The following MTHFD1 variants were observed in gnomAD, a reference collection of about 807,000 sequenced individuals.
The protein encoded by MTHFD1 is methylenetetrahydrofolate dehydrogenase, cyclohydrolase and formyltetrahydrofolate synthetase 1.
A neutral mutation model predicts 110.3 loss-of-function variants in MTHFD1; 44 were observed. That is an observed-to-expected ratio of 0.40 (90% CI 0.31 to 0.51). MTHFD1 has a LOEUF of 0.51. Ranked by LOEUF, MTHFD1 falls within the 20% of genes least tolerant of loss-of-function variation. The probability of loss-of-function intolerance (pLI) is 0.60; values close to 1 mark genes in which losing one functional copy is unlikely to be tolerated. For missense variants in MTHFD1, 909 were observed against 1,173.1 expected (o/e 0.77, Z 3.29); for synonymous variants, 402 against 428.8 (o/e 0.94, Z 0.77).
intron 21 of MTHFD1, among the ~76,000 whole-genome samples, chr14:64,443,114 A>C (rs1312974027): frequency 6.6e-6 from 1 of 152,222 alleles, no homozygotes; most frequent in Non-Finnish European, 1.5e-5. Flanking sequence ...AACTTAGGAA[A>C]TAAGGACTCC....
intron 1 of MTHFD1, among the ~76,000 whole-genome samples, chr14:64,397,104 CAAAAAAAAAAAAAAAAA>C (rs1189095379): frequency 0.013 from 90 of 7,130 alleles, 3 homozygotes; most frequent in Non-Finnish European, 0.018. Flanking sequence ...GACTGCGTCT[CAAAAAAAAAAAAAAAAA>C]AAAAAAAAAA....
chr14:64,446,494 C>A (rs1271958805), intron 22 of MTHFD1, among the ~76,000 whole-genome samples: 1 of 152,142 alleles, frequency 6.6e-6, no homozygotes, highest in East Asian at 1.9e-4. Flanking sequence ...GATACATTTC[C>A]TTAATTGCTT....
At chr14:64,447,179 C>CA (rs2078297011) in intron 22 of MTHFD1, among the ~76,000 whole-genome samples, 1 of 93,160 alleles carries the variant, frequency 1.1e-5, no homozygotes, top group Non-Finnish European at 2.0e-5. Flanking sequence ...TTTTTTGAGA[C>CA]AGAGTCTTGC....
chr14:64,436,126 G>A (rs1331872519), intron 16 of MTHFD1, among the ~76,000 whole-genome samples: 2 of 151,070 alleles, frequency 1.3e-5, no homozygotes, highest in African/African-American at 2.4e-5. Context: ...ATGGAGTCTC[G>A]CTCTGTCGCC....
chr14:64,439,445 T>G (rs1275699641), intron 17 of MTHFD1: 3 of 498,856 alleles, frequency 6.0e-6, no homozygotes, highest in African/African-American at 5.8e-5. Flanking sequence ...TGATTAAAAT[T>G]GCTTCTTTTT....
At chr14:64,426,311 C>T (rs1299684447) in intron 11 of MTHFD1, 119 bp downstream of exon 11, 3 of 1,158,032 alleles carry the variant, frequency 2.6e-6, no homozygotes, top group Admixed American at 3.7e-5. Flanking sequence ...AGCATTTTCA[C>T]CCGTATTTGA....
intron 12 of MTHFD1, among the ~76,000 whole-genome samples, chr14:64,429,293 T>C (rs1349776509): frequency 6.7e-6 from 1 of 148,418 alleles, no homozygotes; most frequent in Non-Finnish European, 1.5e-5. Flanking sequence ...ATTGCACTGA[T>C]AATGTGGTAA....
rs903176404 is a variant in MTHFD1 at position 64,454,894 on chromosome 14, G to C, written c.2718+19G>C. On this transcript the variant is annotated intron_variant, in intron 26 of 27. Transcript: ENST00000652337. Reference sequence around the variant, plus strand: ...AGGAACGGTAAGTGCATGCTGCAAGGGAGTAGTGGGCGCATCTGCACTTCT... The same window carrying C: ...AGGAACGGTAAGTGCATGCTGCAAGCGAGTAGTGGGCGCATCTGCACTTCT... 1 of 1,613,500 alleles carries C rather than the reference G, an allele frequency of 6.2e-7. No individual in the cohort carries two copies. The highest frequency in any genetic ancestry group is 8.5e-7 in the Non-Finnish European group (1 of 1,179,544).
At chr14:64,406,640 C>A (rs1043178918) in intron 2 of MTHFD1, among the ~76,000 whole-genome samples, 2 of 151,654 alleles carry the variant, frequency 1.3e-5, no homozygotes, top group Non-Finnish European at 2.9e-5. Flanking sequence ...CTACAGGCAT[C>A]CAGCTAATTT....
At chr14:64,391,462 C>T (rs962273708) in intron 1 of MTHFD1, among the ~76,000 whole-genome samples, 3 of 152,128 alleles carry the variant, frequency 2.0e-5, no homozygotes, top group Non-Finnish European at 4.4e-5. Flanking sequence ...ACTGCGCCCC[C>T]GCTGGCGCTT....
chr14:64,415,019 G>A (rs992540047), intron 4 of MTHFD1, among the ~76,000 whole-genome samples: 1 of 151,940 alleles, frequency 6.6e-6, no homozygotes, highest in African/African-American at 2.4e-5. Flanking sequence ...AGTTTTTGTA[G>A]ATATCACATT....
intron 1 of MTHFD1, among the ~76,000 whole-genome samples, chr14:64,393,529 G>A (rs1299687991): frequency 6.6e-6 from 1 of 152,212 alleles, no homozygotes; most frequent in Admixed American, 6.5e-5. Context: ...GGAGAGGTCG[G>A]AGTTCCAGAG....
chr14:64,453,712 T>C (rs771292919), intron 24 of MTHFD1, 42 bp from the exon 25 acceptor site: 2 of 1,186,446 alleles, frequency 1.7e-6, no homozygotes, highest in Non-Finnish European at 2.5e-6. Flanking sequence ...TGTCCTCACA[T>C]GTGTCCAGTC....
At chr14:64,427,621 T>C in intron 12 of MTHFD1, 148 bp downstream of exon 12, 3 of 850,708 alleles carry the variant, frequency 3.5e-6, no homozygotes, top group South Asian at 2.8e-5. Context: ...TAGTCATGCT[T>C]TTGATGAAGG....
rs1314760516 is a variant in MTHFD1, at chr14:64,453,864, A to T, written c.2565+3A>T. 3.2e-6 allele frequency: 5 copies of T among 1,580,356 alleles called. No homozygotes were observed. Among genetic ancestry groups the T allele is most frequent in the Non-Finnish European group, 4.4e-6 (5 of 1,149,404 alleles). ...AAGCTGAAGTCTACACGAAGCAGGT[A>T]GATGTTTGGTTAGTTTGTCCTTTCA... On this transcript the variant is annotated splice_donor_region_variant and intron_variant, in intron 25 of 27. Transcript: ENST00000652337.
chr14:64,392,791 C>A (rs1448673854), intron 1 of MTHFD1, among the ~76,000 whole-genome samples: 1 of 152,096 alleles, frequency 6.6e-6, no homozygotes, highest in Non-Finnish European at 1.5e-5. Context: ...GTTGTTGGTA[C>A]ATGGTAAGTT....
At chr14:64,414,635 G>A (rs577448306) in intron 4 of MTHFD1, among the ~76,000 whole-genome samples, 6 of 151,318 alleles carry the variant, frequency 4.0e-5, no homozygotes, top group Non-Finnish European at 7.4e-5. Context: ...TGACAGGTGT[G>A]AGCCACCACA....
chr14:64,401,021 T>A, intron 2 of MTHFD1, 144 bp downstream of exon 2: 1 of 689,372 alleles, frequency 1.5e-6, no homozygotes, highest in Non-Finnish European at 2.6e-6. Context: ...GGCTCCCCCC[T>A]TTGGCTCAGC....
rs775330471 is a variant in MTHFD1 at position 64,449,613 on chromosome 14, T to C, written c.2448T>C (p.Tyr816=). The change falls in exon 24 of 28, where the codon TAT becomes TAC. Residue 816 remains tyrosine, a synonymous_variant. Transcript: ENST00000652337. The stretch of plus-strand genomic sequence containing the variant: ...CACCCAGCAGCTTCCAGCTCCTTTA[T>C]GACCTCAAGGTGGGTGATTTGCTGT... ...AQAPSSFQLL[Y]DLKLPVEDKI... 1.2e-6 allele frequency: 2 copies of C among 1,614,076 alleles called. No individual in the cohort carries two copies. The highest frequency in any genetic ancestry group is 1.7e-6 in the Non-Finnish European group (2 of 1,180,024).
Sources: allele counts gnomAD v4.1 joint callset (sites outside exome capture counted in the v4.1 genomes callset), GRCh38; gene constraint gnomAD v4.1.1; transcripts MANE v1.5; gene names NCBI Gene and HGNC (gene_info 2026-07-23, HGNC 2026-07-21).